PDE1C: variants seen among roughly 807,000 people sequenced by gnomAD.
PDE1C encodes dual specificity calcium/calmodulin-dependent 3',5'-cyclic nucleotide phosphodiesterase 1C.
PDE1C carries 62 observed loss-of-function variants against 93.1 expected under a neutral mutation model. That is an observed-to-expected ratio of 0.67 (90% CI 0.54 to 0.82). The LOEUF (loss-of-function observed/expected upper bound fraction) is 0.82. PDE1C is among the 40% of genes least tolerant of loss of function. The pLI, the probability that PDE1C is intolerant of heterozygous loss-of-function variation, is 0.00. For missense variants in PDE1C, 742 were observed against 884.6 expected (o/e 0.84, Z 2.04); for synonymous variants, 325 against 310.1 (o/e 1.05, Z -0.50).
At chr7:32,273,056 G>T (rs998824712) in intron 1 of PDE1C, among the ~76,000 whole-genome samples, 2 of 152,154 alleles carry the variant, frequency 1.3e-5, no homozygotes, top group Non-Finnish European at 2.9e-5. Flanking sequence ...GGAGGTGACG[G>T]TGTTTCAGGT....
the PDE1C span, among the ~76,000 whole-genome samples, chr7:31,736,214 G>A: frequency 6.6e-6 from 1 of 152,302 alleles, no homozygotes; most frequent in South Asian, 2.1e-4. Flanking sequence ...TGTACCAGCA[G>A]GTACTCCCTG....
At chr7:31,745,444 T>C in the PDE1C span, among the ~76,000 whole-genome samples, 10 of 152,278 alleles carry the variant, frequency 6.6e-5, no homozygotes, top group Non-Finnish European at 1.3e-4. Context: ...CAGGAAATGA[T>C]AATATAGTAG....
intron 1 of PDE1C, among the ~76,000 whole-genome samples, chr7:32,307,101 G>A (rs769672802): frequency 4.6e-5 from 7 of 152,146 alleles, no homozygotes; most frequent in Admixed American, 6.5e-5. Flanking sequence ...GTCATTTATT[G>A]TACACCTACT....
chr7:31,731,705 A>C, the PDE1C span, among the ~76,000 whole-genome samples: 4 of 152,156 alleles, frequency 2.6e-5, no homozygotes, highest in Non-Finnish European at 5.9e-5. Flanking sequence ...GCAGTTTTCA[A>C]TCAGCAGGCA....
chr7:32,314,570 TAGTC>T (rs1783128854), intron 1 of PDE1C, among the ~76,000 whole-genome samples: 1 of 152,192 alleles, frequency 6.6e-6, no homozygotes, highest in South Asian at 2.1e-4. Context: ...GATCCAGCCT[TAGTC>T]AGGCCATCAT....
chr7:32,043,104 A>T (rs1168197389), intron 2 of PDE1C, among the ~76,000 whole-genome samples: 1 of 152,282 alleles, frequency 6.6e-6, no homozygotes, highest in Admixed American at 6.5e-5. Flanking sequence ...TGTTACTGGC[A>T]TCTAGTGGGC....
intron 1 of PDE1C, among the ~76,000 whole-genome samples, chr7:32,226,893 T>C (rs1807318163): frequency 6.6e-6 from 1 of 152,134 alleles, no homozygotes; most frequent in Admixed American, 6.5e-5. Flanking sequence ...ACTGCAGCTC[T>C]GGGGGCTCTT....
At position 32,114,055 on chromosome 7, in the gene PDE1C, C is replaced by G. The variant is rs143343731; in HGVS notation, c.308+55730G>C. On this transcript the variant is annotated intron_variant, in intron 3 of 18. Coordinates refer to the PDE1C transcript ENST00000396193. The stretch of plus-strand genomic sequence containing the variant: ...ATATCGTGAAAATGGCCATACTATC[C>G]AAAGTAATTTATAGATTCAATGCTA... Among the ~76,000 whole-genome samples the G allele has an allele frequency of 2.0e-5, 3 of 152,212 alleles. No individual in the cohort carries two copies. In the East Asian group the frequency reaches 5.8e-4, roughly 29 times the overall value.
intron 3 of PDE1C, among the ~76,000 whole-genome samples, chr7:32,086,916 G>C (rs1467947755): frequency 1.3e-5 from 2 of 150,916 alleles, no homozygotes; most frequent in African/African-American, 2.4e-5. Flanking sequence ...AGAAAACCTA[G>C]CCATTACCAT....
At chr7:31,684,854 T>C in the PDE1C span, among the ~76,000 whole-genome samples, 1 of 152,224 alleles carries the variant, frequency 6.6e-6, no homozygotes, top group South Asian at 2.1e-4. Flanking sequence ...TTTGGTGTTA[T>C]TGTAAAAGGA....
the PDE1C span, among the ~76,000 whole-genome samples, chr7:31,722,672 T>C: frequency 3.9e-5 from 6 of 151,988 alleles, no homozygotes; most frequent in African/African-American, 1.5e-4. Context: ...AGAAGCAGGA[T>C]GGTGGGAGAG....
intron 2 of PDE1C, among the ~76,000 whole-genome samples, chr7:32,010,307 TGG>T (rs2128584523): frequency 6.6e-6 from 1 of 152,304 alleles, no homozygotes; most frequent in Admixed American, 6.5e-5. Context: ...AATAGGTCAA[TGG>T]AGCAGAATAG....
In PDE1C at chr7:32,059,466, T is replaced by C. The variant is rs1039564056; in HGVS notation, c.102-7886A>G. On this transcript the variant is annotated intron_variant, in intron 1 of 17. Transcript: ENST00000396191. ...ACATGGCAGACCCAGGCTGCCCCAG[T>C]GCTCCTGTCCTCCCAAAGCAAGCCC... Among the ~76,000 whole-genome samples, 3 of 152,136 alleles carry C rather than the reference T, an allele frequency of 2.0e-5. 1 individual carries two copies. In the South Asian group the frequency reaches 6.2e-4, roughly 31 times the overall value.
the PDE1C span, among the ~76,000 whole-genome samples, chr7:31,664,733 G>T: frequency 1.3e-5 from 2 of 152,206 alleles, no homozygotes; most frequent in Admixed American, 1.3e-4. Flanking sequence ...GATTAATTGA[G>T]TCTTTTCAGA....
At chr7:31,874,513 C>T (rs1329143812) in intron 5 of PDE1C, among the ~76,000 whole-genome samples, 1 of 152,226 alleles carries the variant, frequency 6.6e-6, no homozygotes, top group Non-Finnish European at 1.5e-5. Context: ...CCCCAGCCCT[C>T]ACTGAATTCC....
At chr7:32,355,029 G>A (rs763445767) in intron 1 of PDE1C, among the ~76,000 whole-genome samples, 4 of 152,122 alleles carry the variant, frequency 2.6e-5, no homozygotes, top group Non-Finnish European at 5.9e-5. Flanking sequence ...TCAGAGTCAG[G>A]AGCTCTCATC....
At chr7:31,890,019 A>T (rs1464911204) in intron 2 of PDE1C, among the ~76,000 whole-genome samples, 2 of 152,198 alleles carry the variant, frequency 1.3e-5, no homozygotes, top group African/African-American at 4.8e-5. Flanking sequence ...AAATTATGCT[A>T]AGAAAATCTT....
the PDE1C span, among the ~76,000 whole-genome samples, chr7:31,639,264 T>C: frequency 6.6e-6 from 1 of 152,198 alleles, no homozygotes; most frequent in Non-Finnish European, 1.5e-5. Flanking sequence ...TGATGCATTT[T>C]CGTTTTAAAA....
intron 2 of PDE1C, among the ~76,000 whole-genome samples, chr7:31,886,931 G>A (rs1327652688): frequency 9.5e-5 from 9 of 94,530 alleles, no homozygotes; most frequent in Non-Finnish European, 1.4e-4. Flanking sequence ...CACCACAGTA[G>A]ACTTAGAATC....
Sources: allele counts gnomAD v4.1 joint callset (sites outside exome capture counted in the v4.1 genomes callset), GRCh38; gene constraint gnomAD v4.1.1; transcripts MANE v1.5; gene names NCBI Gene and HGNC (gene_info 2026-07-23, HGNC 2026-07-21).